Variants in SCAPER observed in about 807,000 individuals in gnomAD.
SCAPER encodes S phase cyclin A-associated protein in the endoplasmic reticulum.
In SCAPER, 98 loss-of-function variants were observed where a neutral mutation model predicts 182.2. The ratio of observed to expected loss-of-function variants is 0.54; its 90% CI spans 0.46 to 0.64. The LOEUF is 0.64. SCAPER is among the 30% of genes least tolerant of loss of function. The pLI is 0.00. For missense variants in SCAPER, 1,432 were observed against 1,690.0 expected, an observed-to-expected ratio of 0.85 and a Z score of 2.68; for synonymous variants, 605 against 564.6, an observed-to-expected ratio of 1.07 and a Z score of -1.01.
intron 15 of SCAPER, among the ~76,000 whole-genome samples, chr15:76,738,033 A>G (rs2061363044): frequency 6.6e-6 from 1 of 152,234 alleles, no homozygotes; most frequent in African/African-American, 2.4e-5. Context: ...CTTATCATTC[A>G]TATGTTTACT....
chr15:76,904,003 AC>A (rs1270485277), intron 1 of SCAPER, among the ~76,000 whole-genome samples: 1 of 152,222 alleles, frequency 6.6e-6, no homozygotes, highest in Admixed American at 6.5e-5. Flanking sequence ...TCACATTAAA[AC>A]TTGACTCTTT....
In SCAPER at chr15:76,607,018, C is replaced by T. The variant is rs1338115513; in HGVS notation, c.2711+14746G>A. 2.0e-4 allele frequency among the ~76,000 whole-genome samples: 30 copies of T among 151,856 alleles called. No individual in the cohort carries two copies. The East Asian group carries it at 4.3e-3, about 22-fold the overall frequency. Reference sequence around the variant, plus strand: ...ATTGGAGCATTTAGCCCATTTACATCTAAAGTTAATATTGTTATGTGTGAA... The same window carrying T: ...ATTGGAGCATTTAGCCCATTTACATTTAAAGTTAATATTGTTATGTGTGAA... On this transcript the variant is annotated intron_variant, in intron 22 of 31. Transcript: ENST00000563290.
At chr15:76,770,552 A>C (rs564570369) in intron 10 of SCAPER, among the ~76,000 whole-genome samples, 1 of 152,292 alleles carries the variant, frequency 6.6e-6, no homozygotes, top group South Asian at 2.1e-4. Context: ...TTTTCTTTCA[A>C]GTATGCAAAT....
At chr15:76,601,606 A>G (rs2049936608) in intron 22 of SCAPER, among the ~76,000 whole-genome samples, 1 of 121,456 alleles carries the variant, frequency 8.2e-6, no homozygotes, top group African/African-American at 2.5e-5. Context: ...TTGCCTAAGG[A>G]CACATCTCTC....
intron 21 of SCAPER, among the ~76,000 whole-genome samples, chr15:76,623,143 G>T (rs2052251221): frequency 6.6e-6 from 1 of 152,060 alleles, no homozygotes; most frequent in Admixed American, 6.6e-5. Flanking sequence ...TATAGATTCT[G>T]GATATTAAAC....
At chr15:76,615,371 G>A (rs145617637) in intron 22 of SCAPER, among the ~76,000 whole-genome samples, 19 of 151,844 alleles carry the variant, frequency 1.3e-4, no homozygotes, top group African/African-American at 3.1e-4. Flanking sequence ...CTTTGAACCC[G>A]GGAGGCAGAG....
At chr15:76,850,883 A>G (rs1041350784) in intron 4 of SCAPER, among the ~76,000 whole-genome samples, 19 of 151,748 alleles carry the variant, frequency 1.3e-4, no homozygotes, top group East Asian at 1.9e-4. Context: ...AAAAAGAAAA[A>G]AAAAGAGAGA....
At chr15:76,366,105 ACACACACACACACACAC>A (rs1405879477) in intron 29 of SCAPER, among the ~76,000 whole-genome samples, 1 of 151,896 alleles carries the variant, frequency 6.6e-6, no homozygotes, top group Non-Finnish European at 1.5e-5. Flanking sequence ...ACACACACAC[ACACACACACACACACAC>A]TACTGGAAAG....
chr15:76,659,678 TC>T (rs1424971343), intron 21 of SCAPER, among the ~76,000 whole-genome samples: 15 of 152,162 alleles, frequency 9.9e-5, no homozygotes, highest in African/African-American at 3.4e-4. Flanking sequence ...TAATTAGATA[TC>T]ATCTTATACT....
chr15:76,883,385 C>T (rs1287436876), intron 2 of SCAPER, among the ~76,000 whole-genome samples: 1 of 152,186 alleles, frequency 6.6e-6, no homozygotes, highest in Non-Finnish European at 1.5e-5. Flanking sequence ...CCCTGGCTCT[C>T]TGGGGAATTT....
chr15:76,841,650 GAA>G, intron 5 of SCAPER, 82 bp downstream of exon 5: 4 of 1,266,538 alleles, frequency 3.2e-6, no homozygotes, highest in Non-Finnish European at 3.2e-6. Context: ...CCATCTCAAA[GAA>G]AAAAAAAAGA....
At chr15:76,713,944 T>A (rs1054364396) in intron 17 of SCAPER, among the ~76,000 whole-genome samples, 3 of 152,096 alleles carry the variant, frequency 2.0e-5, no homozygotes, top group Non-Finnish European at 4.4e-5. Context: ...AACATCCATA[T>A]CAGCTTTATC....
chr15:76,396,500 C>T (rs777712086), intron 27 of SCAPER, among the ~76,000 whole-genome samples: 5 of 152,104 alleles, frequency 3.3e-5, no homozygotes, highest in African/African-American at 1.2e-4. Context: ...TAATTTCTTT[C>T]ATCAATGTTT....
chr15:76,546,855 A>C (rs978734800), intron 23 of SCAPER, among the ~76,000 whole-genome samples: 2 of 152,118 alleles, frequency 1.3e-5, no homozygotes, highest in Non-Finnish European at 2.9e-5. Flanking sequence ...ATAGTTCATT[A>C]ATGTTTTTTA....
chr15:76,556,858 C>A (rs536824780), intron 23 of SCAPER, among the ~76,000 whole-genome samples: 76 of 152,224 alleles, frequency 5.0e-4, no homozygotes, highest in African/African-American at 1.6e-3. Context: ...TCTAAAAAAT[C>A]CCACAGTCTG....
chr15:76,451,055 G>A (rs528951005), intron 25 of SCAPER, among the ~76,000 whole-genome samples: 2 of 152,310 alleles, frequency 1.3e-5, no homozygotes, highest in East Asian at 3.9e-4. Flanking sequence ...GGCAATCACT[G>A]ATCTGCTTTG....
intron 23 of SCAPER, among the ~76,000 whole-genome samples, chr15:76,530,675 G>A (rs1281115358): frequency 3.3e-5 from 5 of 152,084 alleles, no homozygotes; most frequent in Admixed American, 3.3e-4. Context: ...GGAAATGAGA[G>A]AACATCTGTT....
In SCAPER at chr15:76,381,719, A is replaced by G. The variant is rs186076814; in HGVS notation, c.3468-104T>C. The G allele has an allele frequency of 2.1e-3, 1,927 of 898,616 alleles. 26 individuals carry two copies. Among genetic ancestry groups the G allele is most frequent in the Non-Finnish European group, 6.9e-4 (404 of 589,086 alleles). 55.7% of individuals were successfully genotyped at this position (898,616 alleles called of 1,614,324 possible). On this transcript the variant is annotated intron_variant, in intron 27 of 31. Transcript: ENST00000563290. ...ACAAGCAGACCGTTAAAAACAAACC[A>G]TCTGAGTTGTATAGTATGGTAACAA...
chr15:76,695,722 C>G (rs894606938), intron 20 of SCAPER, among the ~76,000 whole-genome samples: 1 of 151,954 alleles, frequency 6.6e-6, no homozygotes, highest in Non-Finnish European at 1.5e-5. Context: ...GATATAGAGC[C>G]ACATATTCTC....
Sources: gnomAD v4.1 joint callset for allele counts (sites outside exome capture counted in the v4.1 genomes callset) on GRCh38, gnomAD v4.1.1 for gene constraint, MANE v1.5 for transcripts, NCBI Gene and HGNC (gene_info 2026-07-23, HGNC 2026-07-21) for gene names.